PARD3: variants seen among roughly 807,000 people sequenced by gnomAD.
PARD3 encodes par-3 family cell polarity regulator.
Under a neutral mutation model 155.4 loss-of-function variants are expected in PARD3, and 75 were observed. That is an observed-to-expected ratio of 0.48 (90% confidence interval 0.40 to 0.58). PARD3 has a LOEUF of 0.58. Among genes scored for constraint, PARD3 ranks in the 20% least tolerant of loss-of-function variants. The probability of loss-of-function intolerance (pLI) is 0.00; values close to 1 mark genes in which losing one functional copy is unlikely to be tolerated. For synonymous variants in PARD3, 576 were observed against 610.5 expected, an observed-to-expected ratio of 0.94 and a Z score of 0.83; for missense variants, 1,642 against 1,721.7, an observed-to-expected ratio of 0.95 and a Z score of 0.82.
At chr10:34,314,415 A>G (rs991885437) in intron 20 of PARD3, among the ~76,000 whole-genome samples, 3 of 152,218 alleles carry the variant, frequency 2.0e-5, no homozygotes, top group South Asian at 2.1e-4. Context: ...CGTGTTTAAT[A>G]TATTATTCTG....
intron 22 of PARD3, among the ~76,000 whole-genome samples, chr10:34,254,412 C>T (rs139239865): frequency 3.4e-5 from 5 of 144,986 alleles, no homozygotes; most frequent in African/African-American, 1.3e-4. Context: ...CAAAAACAAA[C>T]AAAAAAATTA....
intron 2 of PARD3, among the ~76,000 whole-genome samples, chr10:34,565,413 G>T (rs961870257): frequency 6.6e-6 from 1 of 151,390 alleles, no homozygotes; most frequent in East Asian, 1.9e-4. Context: ...GATTACAGGC[G>T]TGAGATACCA....
chr10:34,787,948 A>ATT (rs1166169945), intron 1 of PARD3, among the ~76,000 whole-genome samples: 17 of 141,392 alleles, frequency 1.2e-4, no homozygotes, highest in Non-Finnish European at 1.6e-4. Flanking sequence ...TGCCCAGCTA[A>ATT]TTTTTTTTTT....
At position 34,360,364 on chromosome 10, in the gene PARD3, A is replaced by G. The variant is rs1839325519; in HGVS notation, c.1708-105T>C. The G allele has an allele frequency of 4.1e-6, 3 of 738,146 alleles. No individual in the cohort carries two copies. In the Admixed American group the frequency reaches 7.2e-5, roughly 18 times the overall value. 45.7% of individuals were successfully genotyped at this position (738,146 alleles called of 1,614,324 possible). A position where few individuals can be genotyped will look rare whatever the true frequency, so the allele number is the denominator to read the frequency against. ...CAGTTCCTTAATCATAAGAGGCAAA[A>G]TATTTCCATGAAGGTTCCACAGCAA... On this transcript the variant is annotated intron_variant, in intron 12 of 24. Transcript: ENST00000374788.
In PARD3 at chr10:34,484,118, A is replaced by G. The variant is rs567171049; in HGVS notation, c.404-13855T>C. Among the ~76,000 whole-genome samples, 3 of 152,346 alleles carry G rather than the reference A, an allele frequency of 2.0e-5. No homozygotes were observed. In the South Asian group the frequency reaches 6.2e-4, roughly 32 times the overall value. ...CGAAAAACATGGCACCAAATAGCCCATGAAAAGGACACTTTTTTAAAATAT... is the reference window on the plus strand; with the variant it reads ...CGAAAAACATGGCACCAAATAGCCCGTGAAAAGGACACTTTTTTAAAATAT... On this transcript the variant is annotated intron_variant, in intron 3 of 24. Transcript: ENST00000374788.
At chr10:34,477,187 G>C (rs1467723513) in intron 3 of PARD3, among the ~76,000 whole-genome samples, 1 of 152,076 alleles carries the variant, frequency 6.6e-6, no homozygotes, top group African/African-American at 2.4e-5. Context: ...TCTCATTTAA[G>C]GTAATTTGGT....
At chr10:34,729,942 T>C (rs1167094842) in intron 1 of PARD3, among the ~76,000 whole-genome samples, 2 of 151,960 alleles carry the variant, frequency 1.3e-5, no homozygotes, top group Admixed American at 1.3e-4. Flanking sequence ...CAACATCACC[T>C]CCCTCCCCTA....
intron 2 of PARD3, among the ~76,000 whole-genome samples, chr10:34,548,160 G>C (rs16935513): frequency 2.0e-5 from 3 of 152,068 alleles, no homozygotes; most frequent in African/African-American, 7.2e-5. Flanking sequence ...TCATTTGTCC[G>C]TCTCATTTCC....
At chr10:34,715,971 G>A (rs2094514049) in intron 1 of PARD3, among the ~76,000 whole-genome samples, 1 of 152,142 alleles carries the variant, frequency 6.6e-6, no homozygotes, top group Admixed American at 6.5e-5. Context: ...AGATTTTTCT[G>A]AAAGGCCCTA....
intron 2 of PARD3, among the ~76,000 whole-genome samples, chr10:34,683,836 T>C (rs1227921685): frequency 1.3e-5 from 2 of 152,172 alleles, no homozygotes; most frequent in Non-Finnish European, 1.5e-5. Context: ...CTGTACCATA[T>C]CTGGGCCCTG....
intron 22 of PARD3, among the ~76,000 whole-genome samples, chr10:34,168,183 A>C (rs1016450387): frequency 6.6e-6 from 1 of 152,180 alleles, no homozygotes; most frequent in African/African-American, 2.4e-5. Flanking sequence ...TATTTTATGA[A>C]AAATACCTCC....
intron 1 of PARD3, among the ~76,000 whole-genome samples, chr10:34,766,018 ACCACC>A (rs1413264305): frequency 6.6e-6 from 1 of 152,194 alleles, no homozygotes; most frequent in African/African-American, 2.4e-5. Flanking sequence ...TGTGCTCTGA[ACCACC>A]CCAATAGGGA....
intron 22 of PARD3, among the ~76,000 whole-genome samples, chr10:34,244,417 G>T (rs1953807892): frequency 6.6e-6 from 1 of 152,168 alleles, no homozygotes; most frequent in Admixed American, 6.5e-5. Flanking sequence ...GACGAACAGA[G>T]ATACTGAAGG....
rs1167135149 is a variant in PARD3, at chr10:34,110,971, C to T, written c.*198G>A. ...ATTGTCACAGGGTGGGAAATCCTTC[C>T]ATGAAACAGACACTTGAGACATAGT... is the stretch of plus-strand genomic sequence containing the variant. On this transcript the variant is annotated 3_prime_UTR_variant, in exon 25 of 25. Coordinates refer to ENST00000374788, the MANE Select transcript of PARD3 (RefSeq NM_001184785.2). 6 of 511,584 alleles carry T rather than the reference C, an allele frequency of 1.2e-5. No individual in the cohort carries two copies. Among genetic ancestry groups the T allele is most frequent in the Non-Finnish European group, 1.7e-5 (5 of 299,854 alleles). 31.7% of individuals were successfully genotyped at this position (511,584 alleles called of 1,614,324 possible).
chr10:34,156,298 T>C (rs955375247), intron 22 of PARD3, among the ~76,000 whole-genome samples: 1 of 152,106 alleles, frequency 6.6e-6, no homozygotes, highest in African/African-American at 2.4e-5. Flanking sequence ...GGTCTTGTTA[T>C]ATTGTCCAGG....
At chr10:34,145,241 T>A (rs1433782120) in intron 22 of PARD3, among the ~76,000 whole-genome samples, 2 of 118,454 alleles carry the variant, frequency 1.7e-5, no homozygotes, top group Non-Finnish European at 3.5e-5. Flanking sequence ...TTTTTTTTTT[T>A]ACAGGATCTT....
chr10:34,806,719 G>A (rs1341172100), intron 1 of PARD3, among the ~76,000 whole-genome samples: 9 of 152,192 alleles, frequency 5.9e-5, no homozygotes, highest in Admixed American at 5.9e-4. Flanking sequence ...GGGGGTCGGG[G>A]TGAGGCAAAA....
chr10:34,685,722 T>C (rs1186989963), intron 2 of PARD3, among the ~76,000 whole-genome samples: 2 of 151,884 alleles, frequency 1.3e-5, no homozygotes, highest in Admixed American at 1.3e-4. Context: ...GCCTCTCAAG[T>C]AACTGGGACG....
intron 2 of PARD3, among the ~76,000 whole-genome samples, chr10:34,694,595 T>C (rs2094131271): frequency 6.6e-6 from 1 of 150,484 alleles, no homozygotes; most frequent in South Asian, 2.1e-4. Context: ...CTCAGCCTCC[T>C]GAGTATCTGG....
Sources: allele counts gnomAD v4.1 joint callset (sites outside exome capture counted in the v4.1 genomes callset), GRCh38; gene constraint gnomAD v4.1.1; transcripts MANE v1.5; gene names NCBI Gene and HGNC (gene_info 2026-07-23, HGNC 2026-07-21).